The following SPINDOC variants were observed in gnomAD, a reference collection of about 807,000 sequenced individuals.
The protein encoded by SPINDOC is spindlin interactor and repressor of chromatin-binding protein.
SPINDOC carries 13 observed loss-of-function variants against 30.7 expected under a neutral mutation model. The ratio of observed to expected loss-of-function variants is 0.42; its 90% CI spans 0.28 to 0.67. SPINDOC has a LOEUF of 0.67. Ranked by LOEUF, SPINDOC falls within the 30% of genes least tolerant of loss-of-function variation. SPINDOC has a pLI of 0.22. For missense variants in SPINDOC, 438 were observed against 518.0 expected (o/e 0.85, Z 1.50); for synonymous variants, 228 against 211.4 (o/e 1.08, Z -0.68).
intron 5 of SPINDOC, chr11:63,823,353 C>T (rs771572855): frequency 1.9e-5 from 22 of 1,176,064 alleles, no homozygotes; most frequent in Non-Finnish European, 2.4e-5. Context: ...AAATAAAGAT[C>T]CTGCCACTTT....
In SPINDOC at chr11:63,827,186, C is replaced by A. The variant is rs755068036; in HGVS notation, c.*47C>A. ...GAGGGAGGGATGAGGCAGCGTCCCC[C>A]AGTGGCTTATAACTCAGAGCTGCCT... On this transcript the variant is annotated 3_prime_UTR_variant, in exon 6 of 6. Coordinates refer to ENST00000294244, the MANE Select transcript of SPINDOC (RefSeq NM_138471.3). 5.9e-5 allele frequency: 94 copies of A among 1,597,590 alleles called. No homozygotes were observed. Among genetic ancestry groups the A allele is most frequent in the Non-Finnish European group, 7.8e-5 (92 of 1,172,542 alleles).
rs1235228805 is a variant in SPINDOC, at chr11:63,823,154, TA to T, written c.935-3771del. Reference sequence around the variant, plus strand: ...GTCCAGGTATATAGGCTGGAGGCAGTAAATCTTTAAAAACCAGGGGCCCCCG... The same window carrying T: ...GTCCAGGTATATAGGCTGGAGGCAGTAATCTTTAAAAACCAGGGGCCCCCG... On this transcript the variant is annotated intron_variant, in intron 5 of 5. Transcript: ENST00000294244. 2.3e-6 allele frequency: 3 copies of T among 1,288,924 alleles called. No homozygotes were observed. In the African/African-American group the frequency reaches 4.6e-5, roughly 20 times the overall value. The allele number at this position is 1,288,924 out of a possible 1,614,324, so 79.8% of individuals were successfully genotyped here. A position where few individuals can be genotyped will look rare whatever the true frequency, so the allele number is the denominator to read the frequency against.
intron 5 of SPINDOC, among the ~76,000 whole-genome samples, chr11:63,823,680 C>T (rs2015586816): frequency 6.6e-6 from 1 of 151,940 alleles, no homozygotes; most frequent in Non-Finnish European, 1.5e-5. Context: ...ACTGCAAGCT[C>T]CGCCTCCTCC....
At chr11:63,822,391 A>G (rs1228180124) in intron 5 of SPINDOC, among the ~76,000 whole-genome samples, 3 of 151,526 alleles carry the variant, frequency 2.0e-5, no homozygotes, top group Admixed American at 2.0e-4. Context: ...GAAACAAAGA[A>G]AAAAGGCAGC....
In SPINDOC at chr11:63,818,862, T is replaced by C; in HGVS notation, c.794T>C (p.Phe265Ser). 6.2e-7 allele frequency: 1 copy of C among 1,613,984 alleles called. No individual in the cohort carries two copies. Reference protein sequence around the residue: ...TFAAPAEVRHFTDGSFPAGFV... With the variant: ...TFAAPAEVRHSTDGSFPAGFV... ...GCAGCACCAGCCGAGGTCCGACACT[T>C]CACTGACGGCAGCTTCCCCGCCGGC... The change falls in exon 5 of 6, where the codon TTC becomes TCC. Residue 265 changes from phenylalanine to serine, a missense_variant. Transcript: ENST00000294244. This position sits in a 1 kb window ranked among gnomAD's most constrained non-coding sequence, Gnocchi z 5.3.
chr11:63,818,280 A>G lies in SPINDOC; in HGVS notation c.522A>G (p.Glu174=). The G allele has an allele frequency of 6.2e-7, 1 of 1,613,954 alleles. No individual in the cohort carries two copies. The highest frequency in any genetic ancestry group is 8.5e-7 in the Non-Finnish European group (1 of 1,179,992). ...CAGACGCTGCCAGAATGCCAGCCGA[A>G]ATCGTCGTTCTCCTTGACTCTGAGG... ...ANPDAARMPA[E]IVVLLDSEDN... Residue 174 remains glutamate, a synonymous_variant, in exon 3 of 6, where the codon GAA becomes GAG. Coordinates refer to ENST00000294244, the MANE Select transcript of SPINDOC (RefSeq NM_138471.3). The surrounding 1 kb of genome is among the most constrained non-coding windows in gnomAD (Gnocchi z 5.3).
intron 5 of SPINDOC, among the ~76,000 whole-genome samples, chr11:63,826,284 TATGGCTGCACGCAG>T (rs2015653737): frequency 6.6e-6 from 1 of 152,190 alleles, no homozygotes; most frequent in Non-Finnish European, 1.5e-5. Context: ...GCTCGTTTTT[TATGGCTGCACGCAG>T]CCACGGCAGT....
Position 63,826,991 on chromosome 11 carries a change from C to T in SPINDOC, c.998C>T (p.Pro333Leu), listed in dbSNP as rs996470388. The change falls in exon 6 of 6, where the codon CCC becomes CTC. Residue 333 changes from proline to leucine, a missense_variant. By Grantham distance (98) the Pro-to-Leu change is moderately conservative. Around this residue, in one of 3 missense-constraint regions of SPINDOC, gnomAD observed 300 missense variants for 332.8 expected, o/e 0.90. Transcript: ENST00000294244. Reference sequence around the variant, plus strand: ...GTTATCCGCGTGCGGATGGAGGAGCCCCCAGCGGTCAGCCTCCTGCAAGAC... The same window carrying T: ...GTTATCCGCGTGCGGATGGAGGAGCTCCCAGCGGTCAGCCTCCTGCAAGAC... The part of the protein sequence containing the change: ...LQVIRVRMEE[P>L]PAVSLLQDWS... 5 of 1,613,688 alleles carry T rather than the reference C, an allele frequency of 3.1e-6. No individual in the cohort carries two copies. The highest frequency in any genetic ancestry group is 1.6e-4 in the Middle Eastern group (1 of 6,084).
chr11:63,817,422 G>A (rs1413199638), intron 1 of SPINDOC, among the ~76,000 whole-genome samples: 1 of 152,148 alleles, frequency 6.6e-6, no homozygotes, highest in Non-Finnish European at 1.5e-5. Flanking sequence ...GTCAGATTTG[G>A]ATGAAATCTA....
At chr11:63,822,356 T>TAAA (rs753315518) in intron 5 of SPINDOC, among the ~76,000 whole-genome samples, 5 of 58,820 alleles carry the variant, frequency 8.5e-5, no homozygotes, top group African/African-American at 2.2e-4. Flanking sequence ...CTAGACTGTC[T>TAAA]AAAAAAAAAA....
At position 63,827,228 on chromosome 11, in the gene SPINDOC, G is replaced by A. The variant is rs113443667; in HGVS notation, c.*89G>A. On this transcript the variant is annotated 3_prime_UTR_variant, in exon 6 of 6. Transcript: ENST00000294244. ...GAGCTGCCTGGCTCACCCACCTGGT[G>A]GAGAGAGTAGAAACAGGTGCCAGGG... 11,460 of 1,539,654 alleles carry A rather than the reference G, an allele frequency of 7.4e-3. 40 individuals are homozygous for A. Among genetic ancestry groups the A allele is most frequent in the Non-Finnish European group, 8.9e-3 (10,192 of 1,143,252 alleles).
chr11:63,822,995 C>T (rs1447333219), intron 5 of SPINDOC: 4 of 1,053,282 alleles, frequency 3.8e-6, no homozygotes, highest in Admixed American at 2.4e-5. Flanking sequence ...TGGCAGCCTT[C>T]GTGGAGGTTG....
rs533681874 is a variant in SPINDOC, at chr11:63,818,001, G to C, written c.324G>C (p.Ser108=). The change falls in exon 2 of 6, where the codon TCG becomes TCC. Residue 108 remains serine, a synonymous_variant. Coordinates refer to ENST00000294244, the MANE Select transcript of SPINDOC (RefSeq NM_138471.3). The surrounding 1 kb of genome is among the most constrained non-coding windows in gnomAD (Gnocchi z 5.3). ...CACCCTCGGCCGACACAGCTCGCTC[G>C]CACATCTTGGAGCAGCACCCTCACA... The part of the protein sequence containing the change: ...IRAPSADTAR[S]HILEQHPHTL... The C allele has an allele frequency of 6.2e-7, 1 of 1,614,034 alleles. No homozygotes were observed. The highest frequency in any genetic ancestry group is 8.5e-7 in the Non-Finnish European group (1 of 1,180,044).
Position 63,818,562 on chromosome 11 carries a change from C to G in SPINDOC, c.643C>G (p.Arg215Gly). The G allele has an allele frequency of 1.2e-6, 2 of 1,613,422 alleles. No individual in the cohort carries two copies. Among genetic ancestry groups the G allele is most frequent in the Non-Finnish European group, 1.7e-6 (2 of 1,180,022 alleles). Residue 215 changes from arginine (R) to glycine (G), a missense_variant, in exon 4 of 6, where the codon CGT becomes GGT. Transcript: ENST00000294244. This position sits in a 1 kb window ranked among gnomAD's most constrained non-coding sequence, Gnocchi z 5.3. ...PATEPGNKKP[R>G]GQRWKEPPGE... ...CACAGAGCCAGGAAATAAGAAGCCC[C>G]GTGGTCAGAGATGGAAGGAACCCCC...
intron 1 of SPINDOC, among the ~76,000 whole-genome samples, chr11:63,817,288 A>G (rs904789289): frequency 4.6e-5 from 7 of 152,058 alleles, no homozygotes; most frequent in East Asian, 1.9e-4. Context: ...CAAGGCTGCA[A>G]TGAGCTGAGA....
Position 63,818,912 on chromosome 11 carries a change from A to G in SPINDOC, c.844A>G (p.Thr282Ala), listed in dbSNP as rs372129782. Residue 282 changes from threonine to alanine, a missense_variant, in exon 5 of 6, where the codon ACC becomes GCC. Physicochemically the swap from Thr to Ala is moderately conservative, Grantham distance 58. This residue lies in a region of SPINDOC where 300 missense variants were observed against 332.8 expected (regional missense o/e 0.90). Coordinates refer to ENST00000294244, the MANE Select transcript of SPINDOC (RefSeq NM_138471.3). The surrounding 1 kb of genome is among the most constrained non-coding windows in gnomAD (Gnocchi z 5.3). The part of the protein sequence containing the change: ...AGFVLQLFSH[T>A]QLRGPDSKDS... The stretch of plus-strand genomic sequence containing the variant: ...CTTCGTCTTGCAGCTCTTCTCCCAC[A>G]CCCAGCTCAGGGGCCCAGACAGCAA... The G allele has an allele frequency of 2.7e-5, 44 of 1,613,912 alleles. No individual in the cohort carries two copies. The highest frequency in any genetic ancestry group is 1.6e-4 in the Middle Eastern group (1 of 6,084).
In SPINDOC at chr11:63,823,432, T is replaced by G. The variant is rs1273011173; in HGVS notation, c.935-3496T>G. ...AAAGGCCACCTGTGGTCAGGTTAGC[T>G]GAGCTGATGAATGTGAATGTGAGGT... On this transcript the variant is annotated intron_variant, in intron 5 of 5. Transcript: ENST00000294244. 3.7e-6 allele frequency: 3 copies of G among 816,464 alleles called. No individual in the cohort carries two copies. The African/African-American group carries it at 5.4e-5, about 15-fold the overall frequency. 50.6% of individuals were successfully genotyped at this position (816,464 alleles called of 1,614,324 possible). A position where few individuals can be genotyped will look rare whatever the true frequency, so the allele number is the denominator to read the frequency against.
At chr11:63,813,843 T>C in intron 1 of SPINDOC, 30 bp downstream of exon 1, 1 of 1,493,630 alleles carries the variant, frequency 6.7e-7, no homozygotes, top group Non-Finnish European at 9.0e-7. Context: ...CACTTCCGCG[T>C]CACGGTGCGG....
intron 1 of SPINDOC, 53 bp from the exon 2 acceptor site, chr11:63,817,752 T>G (rs1255601044): frequency 1.4e-6 from 2 of 1,437,688 alleles, no homozygotes; most frequent in East Asian, 2.5e-5. Flanking sequence ...GTGCTAAGTG[T>G]TGTTGGTTGT....
Sources: gnomAD v4.1 joint callset for allele counts (sites outside exome capture counted in the v4.1 genomes callset) on GRCh38, gnomAD v4.1.1 for gene constraint, gnomAD v4.1.1 regional missense constraint, Gnocchi (gnomAD v3.1) non-coding constraint, MANE v1.5 for transcripts, NCBI Gene and HGNC (gene_info 2026-07-23, HGNC 2026-07-21) for gene names.